Variants in KLF12 observed in about 807,000 individuals in gnomAD.
KLF12 encodes the protein KLF transcription factor 12, also known as Krueppel-like factor 12.
In KLF12, 9 loss-of-function variants were observed where a neutral mutation model predicts 37.8. The observed-to-expected ratio is 0.24, with a 90% confidence interval of 0.14 to 0.42. The LOEUF is 0.42. Among genes scored for constraint, KLF12 ranks in the 10% least tolerant of loss-of-function variants. The pLI is 1.00. For missense variants in KLF12, 411 were observed against 516.0 expected (o/e 0.80, Z 1.97); for synonymous variants, 208 against 202.1 (o/e 1.03, Z -0.25).
chr13:74,148,014 C>T, the KLF12 span, among the ~76,000 whole-genome samples: 11 of 151,794 alleles, frequency 7.2e-5, no homozygotes, highest in African/African-American at 1.2e-4. Context: ...CAGGTTCAAA[C>T]GATTCTCATG....
chr13:73,876,354 G>C (rs897474942), intron 3 of KLF12, among the ~76,000 whole-genome samples: 1 of 152,074 alleles, frequency 6.6e-6, no homozygotes, highest in Non-Finnish European at 1.5e-5. Flanking sequence ...CAATCTCTCA[G>C]ACCTCCCTTT....
intron 4 of KLF12, among the ~76,000 whole-genome samples, chr13:73,828,073 G>A (rs1337330145): frequency 6.7e-6 from 1 of 150,216 alleles, no homozygotes; most frequent in African/African-American, 2.4e-5. Context: ...TCTGAATTTT[G>A]TTTTTTTTTA....
intron 1 of KLF12, among the ~76,000 whole-genome samples, chr13:74,047,601 A>T (rs1593855969): frequency 2.0e-4 from 1 of 5,046 alleles, no homozygotes; most frequent in Admixed American, 1.1e-3. Context: ...CATCTCAAAT[A>T]AAAAAAAAAA....
intron 1 of KLF12, among the ~76,000 whole-genome samples, chr13:74,058,092 G>A (rs536910864): frequency 4.6e-5 from 7 of 151,042 alleles, no homozygotes; most frequent in Admixed American, 2.0e-4. Flanking sequence ...GCAGCCTCCC[G>A]GGTAGCTGGG....
chr13:73,896,598 G>A (rs1016076338), intron 3 of KLF12, among the ~76,000 whole-genome samples: 2 of 152,146 alleles, frequency 1.3e-5, no homozygotes, highest in Admixed American at 1.3e-4. Context: ...TGTGATAAGA[G>A]TTTACATCCC....
At chr13:73,964,736 C>T (rs1318171826) in intron 2 of KLF12, among the ~76,000 whole-genome samples, 1 of 152,130 alleles carries the variant, frequency 6.6e-6, no homozygotes, top group African/African-American at 2.4e-5. Flanking sequence ...AATCCCAGCA[C>T]TTTGGGAGGT....
At chr13:74,175,558 G>A in the KLF12 span, among the ~76,000 whole-genome samples, 1 of 152,042 alleles carries the variant, frequency 6.6e-6, no homozygotes, top group Non-Finnish European at 1.5e-5. Context: ...ATGCTTCCAG[G>A]GGCATCCCTG....
intron 1 of KLF12, among the ~76,000 whole-genome samples, chr13:74,085,265 T>G (rs1042007739): frequency 1.3e-5 from 2 of 152,184 alleles, no homozygotes; most frequent in African/African-American, 2.4e-5. Flanking sequence ...CGGGGATACC[T>G]CATCACCTGC....
chr13:74,203,516 T>C, the KLF12 span, among the ~76,000 whole-genome samples: 1 of 152,100 alleles, frequency 6.6e-6, no homozygotes, highest in Non-Finnish European at 1.5e-5. Flanking sequence ...TCTAAGACAA[T>C]CTGGCTACTA....
At chr13:73,811,776 CTT>C (rs1882952354) in intron 5 of KLF12, among the ~76,000 whole-genome samples, 1 of 152,128 alleles carries the variant, frequency 6.6e-6, no homozygotes, top group Admixed American at 6.6e-5. Context: ...TCAATTATAT[CTT>C]GTTTTCTCTG....
the KLF12 span, among the ~76,000 whole-genome samples, chr13:74,278,896 A>C: frequency 1.3e-5 from 2 of 152,186 alleles, no homozygotes; most frequent in Non-Finnish European, 2.9e-5. Flanking sequence ...CTGTTAAGGA[A>C]TGTTGATTCT....
intron 1 of KLF12, among the ~76,000 whole-genome samples, chr13:74,081,991 C>T (rs2138761949): frequency 6.6e-6 from 1 of 151,964 alleles, no homozygotes; most frequent in African/African-American, 2.4e-5. Context: ...AAGTAATTTG[C>T]TGCAAAATTA....
chr13:73,915,817 C>CCG (rs1888801453), intron 3 of KLF12, among the ~76,000 whole-genome samples: 1 of 151,486 alleles, frequency 6.6e-6, no homozygotes, highest in African/African-American at 2.4e-5. Context: ...CAGGCGTGAG[C>CCG]CACGGCGCCT....
chr13:74,104,561 T>C (rs768044375), intron 1 of KLF12, among the ~76,000 whole-genome samples: 13 of 152,240 alleles, frequency 8.5e-5, no homozygotes, highest in Non-Finnish European at 1.8e-4. Flanking sequence ...TTATTTTCTG[T>C]TAATGGTACT....
the KLF12 span, among the ~76,000 whole-genome samples, chr13:74,213,188 G>A: frequency 6.1e-4 from 93 of 152,000 alleles, no homozygotes; most frequent in East Asian, 4.8e-3. Flanking sequence ...AAATGGGAAC[G>A]TACTAAAACA....
chr13:73,798,488 A>C (rs1170514782), intron 5 of KLF12, among the ~76,000 whole-genome samples: 1 of 152,220 alleles, frequency 6.6e-6, no homozygotes, highest in Non-Finnish European at 1.5e-5. Flanking sequence ...AACAACCTAC[A>C]GAATGGGAGA....
At chr13:73,773,135 G>A (rs1054377952) in intron 5 of KLF12, among the ~76,000 whole-genome samples, 4 of 152,184 alleles carry the variant, frequency 2.6e-5, no homozygotes, top group East Asian at 1.9e-4. Flanking sequence ...AGACAATTCT[G>A]AGAAGAGCTA....
intron 3 of KLF12, among the ~76,000 whole-genome samples, chr13:73,881,423 T>G (rs1347123351): frequency 6.6e-6 from 1 of 152,160 alleles, no homozygotes; most frequent in Non-Finnish European, 1.5e-5. Flanking sequence ...CAAAAGCAAT[T>G]AAAACCTAGT....
intron 1 of KLF12, among the ~76,000 whole-genome samples, chr13:74,071,552 G>C (rs945121500): frequency 6.6e-6 from 1 of 151,900 alleles, no homozygotes; most frequent in Non-Finnish European, 1.5e-5. Flanking sequence ...AATTAGCCGG[G>C]CGTGGTGGCA....
Sources: gnomAD v4.1 joint callset for allele counts (sites outside exome capture counted in the v4.1 genomes callset) on GRCh38, gnomAD v4.1.1 for gene constraint, MANE v1.5 for transcripts, NCBI Gene and HGNC (gene_info 2026-07-23, HGNC 2026-07-21) for gene names.